SNTG2: variants seen among roughly 807,000 people sequenced by gnomAD.
SNTG2 encodes the protein syntrophin gamma 2, also known as gamma-2-syntrophin.
In SNTG2, 74 loss-of-function variants were observed where a neutral mutation model predicts 70.9. That is an observed-to-expected ratio of 1.04 (90% confidence interval 0.86 to 1.27). SNTG2 has a LOEUF of 1.27. SNTG2 is among the 50% of genes most tolerant of loss of function. SNTG2 has a pLI of 0.00. For missense variants in SNTG2, 717 were observed against 690.7 expected (o/e 1.04, Z -0.43); for synonymous variants, 278 against 273.8 (o/e 1.02, Z -0.15).
intron 11 of SNTG2, among the ~76,000 whole-genome samples, chr2:1,246,148 A>G (rs1360138795): frequency 2.0e-5 from 3 of 152,212 alleles, no homozygotes; most frequent in African/African-American, 7.2e-5. Flanking sequence ...AGAAAGACAA[A>G]ACTAAAACGT....
chr2:1,127,493 T>C (rs1275871791), intron 4 of SNTG2, among the ~76,000 whole-genome samples: 1 of 152,176 alleles, frequency 6.6e-6, no homozygotes. Flanking sequence ...CTGTGAAGAA[T>C]GTCATTGGTA....
At chr2:1,278,055 G>A (rs1679339669) in intron 14 of SNTG2, among the ~76,000 whole-genome samples, 1 of 152,244 alleles carries the variant, frequency 6.6e-6, no homozygotes, top group Non-Finnish European at 1.5e-5. Flanking sequence ...TTTATCAAAT[G>A]TCATCAGTTA....
chr2:1,037,825 G>A (rs898186887), intron 1 of SNTG2, among the ~76,000 whole-genome samples: 1 of 152,160 alleles, frequency 6.6e-6, no homozygotes, highest in Non-Finnish European at 1.5e-5. Flanking sequence ...GCTACAACAT[G>A]TTATTTATCC....
intron 1 of SNTG2, among the ~76,000 whole-genome samples, chr2:1,034,796 TAG>T: frequency 6.6e-6 from 1 of 152,182 alleles, no homozygotes; most frequent in Admixed American, 6.5e-5. Context: ...ACTCCACTGA[TAG>T]TATTAGATCA....
rs1681267761 is a variant in SNTG2, at chr2:1,316,155, A to G, written c.1378-110A>G. ...TCACATGCTAAACGTCGATTTAAAC[A>G]TTAAGTGAATGTCTGTTGATTTAAC... On this transcript the variant is annotated intron_variant, in intron 15 of 16. Transcript: ENST00000308624. 7 of 596,010 alleles carry G rather than the reference A, an allele frequency of 1.2e-5. No individual in the cohort carries two copies. In the South Asian group the frequency reaches 1.4e-4, roughly 12 times the overall value. 36.9% of individuals were successfully genotyped at this position (596,010 alleles called of 1,614,324 possible). A position where few individuals can be genotyped will look rare whatever the true frequency, so the allele number is the denominator to read the frequency against.
intron 16 of SNTG2, among the ~76,000 whole-genome samples, chr2:1,322,428 A>G (rs550687155): frequency 3.3e-5 from 5 of 152,214 alleles, no homozygotes; most frequent in Non-Finnish European, 5.9e-5. Flanking sequence ...CATTTCCTAG[A>G]GAGGAACTGA....
chr2:985,458 T>C (rs371885479), intron 1 of SNTG2, among the ~76,000 whole-genome samples: 2 of 152,162 alleles, frequency 1.3e-5, no homozygotes, highest in East Asian at 1.9e-4. Context: ...CAAATTAAGC[T>C]GAGGGGCCCT....
At chr2:1,127,266 T>C (rs1286786672) in intron 4 of SNTG2, among the ~76,000 whole-genome samples, 1 of 152,076 alleles carries the variant, frequency 6.6e-6, no homozygotes, top group Non-Finnish European at 1.5e-5. Context: ...AAAAAATCAG[T>C]TGTCTGTAGA....
chr2:1,363,133 C>CCCCG (rs1406100585), intron 16 of SNTG2, among the ~76,000 whole-genome samples: 1 of 149,586 alleles, frequency 6.7e-6, no homozygotes, highest in Non-Finnish European at 1.5e-5. Flanking sequence ...AAATGGACCC[C>CCCCG]CCCCATGAAA....
intron 4 of SNTG2, 120 bp from the exon 5 acceptor site, chr2:1,137,502 G>GGACACATGCACA (rs71392567): frequency 1.3e-6 from 1 of 767,476 alleles, no homozygotes; most frequent in Non-Finnish European, 2.1e-6. Flanking sequence ...GTGGACACAT[G>GGACACATGCACA]CACACACACA....
At chr2:1,232,821 C>A (rs191133707) in intron 9 of SNTG2, among the ~76,000 whole-genome samples, 1 of 152,128 alleles carries the variant, frequency 6.6e-6, no homozygotes, top group Non-Finnish European at 1.5e-5. Context: ...GAAACATACA[C>A]GTTCTGTTTT....
intron 1 of SNTG2, among the ~76,000 whole-genome samples, chr2:978,146 G>A (rs1184469762): frequency 1.3e-5 from 2 of 152,162 alleles, no homozygotes; most frequent in African/African-American, 2.4e-5. Context: ...CAGTGAAGGC[G>A]AGAGGGGGCA....
Position 1,241,028 on chromosome 2 carries a change from G to A in SNTG2, c.888+1252G>A, listed in dbSNP as rs188404722. Among the ~76,000 whole-genome samples the A allele has an allele frequency of 3.3e-5, 5 of 152,306 alleles. No individual in the cohort carries two copies. In the East Asian group the frequency reaches 9.6e-4, roughly 29 times the overall value. ...TCACACAGGAAACAGCCTTTATCAA[G>A]GCTGGTGGGACAGTGGGCCAAAGTT... On this transcript the variant is annotated intron_variant, in intron 11 of 16. Coordinates refer to ENST00000308624, the MANE Select transcript of SNTG2 (RefSeq NM_018968.4).
At chr2:1,016,538 G>T (rs2148002767) in intron 1 of SNTG2, among the ~76,000 whole-genome samples, 1 of 152,238 alleles carries the variant, frequency 6.6e-6, no homozygotes, top group Admixed American at 6.5e-5. Context: ...ACCACGCCCG[G>T]CCGACAACTT....
intron 8 of SNTG2, among the ~76,000 whole-genome samples, chr2:1,198,165 A>G (rs976320221): frequency 6.6e-6 from 1 of 152,144 alleles, no homozygotes; most frequent in Non-Finnish European, 1.5e-5. Flanking sequence ...CTCAGAACAC[A>G]GTGGAATAAA....
Position 1,088,775 on chromosome 2 carries a change from G to A in SNTG2, c.210+5120G>A, listed in dbSNP as rs375658913. 6.6e-5 allele frequency among the ~76,000 whole-genome samples: 10 copies of A among 152,272 alleles called. No homozygotes were observed. The South Asian group carries it at 2.1e-3, about 32-fold the overall frequency. The stretch of plus-strand genomic sequence containing the variant: ...TTGCCTGGCTGGCTTTAAGTGGGAG[G>A]ATATCCTTCTTACGAAAATCACTAA... On this transcript the variant is annotated intron_variant, in intron 2 of 16. Coordinates refer to ENST00000308624, the MANE Select transcript of SNTG2 (RefSeq NM_018968.4).
At chr2:1,246,113 A>ATTT (rs1677407072) in intron 11 of SNTG2, among the ~76,000 whole-genome samples, 1 of 152,188 alleles carries the variant, frequency 6.6e-6, no homozygotes, top group South Asian at 2.1e-4. Context: ...TTACTTTGAA[A>ATTT]AGCCTTCTAA....
intron 14 of SNTG2, among the ~76,000 whole-genome samples, chr2:1,293,236 T>TTC (rs1271002780): frequency 2.6e-5 from 4 of 151,800 alleles, no homozygotes; most frequent in Non-Finnish European, 5.9e-5. Context: ...TATTTGAATC[T>TTC]TCTCTATGTT....
At chr2:1,012,072 A>G (rs1659743954) in intron 1 of SNTG2, among the ~76,000 whole-genome samples, 1 of 152,252 alleles carries the variant, frequency 6.6e-6, no homozygotes, top group Non-Finnish European at 1.5e-5. Flanking sequence ...AAATCAAGCA[A>G]TCTCTAAATC....
Sources: gnomAD v4.1 joint callset for allele counts (sites outside exome capture counted in the v4.1 genomes callset) on GRCh38, gnomAD v4.1.1 for gene constraint, MANE v1.5 for transcripts, NCBI Gene and HGNC (gene_info 2026-07-23, HGNC 2026-07-21) for gene names.